Variants in SUGCT observed in about 807,000 individuals in gnomAD.
The protein encoded by SUGCT is succinyl-CoA:glutarate CoA-transferase.
In SUGCT, 41 loss-of-function variants were observed where a neutral mutation model predicts 55.0. The observed-to-expected ratio is 0.74, with a 90% CI of 0.58 to 0.97. The LOEUF is 0.97. Ranked by LOEUF, SUGCT falls within the 50% of genes least tolerant of loss-of-function variation. The probability of loss-of-function intolerance (pLI) is 0.00; values close to 1 mark genes in which losing one functional copy is unlikely to be tolerated. For synonymous variants in SUGCT, 187 were observed against 200.4 expected (o/e 0.93, Z 0.56); for missense variants, 568 against 547.8 (o/e 1.04, Z -0.37).
At chr7:40,350,480 ATT>A (rs1180685887) in intron 9 of SUGCT, among the ~76,000 whole-genome samples, 2 of 145,206 alleles carry the variant, frequency 1.4e-5, no homozygotes, top group African/African-American at 2.5e-5. Flanking sequence ...CACCTGGCTA[ATT>A]TTTTTTTTTT....
intron 13 of SUGCT, among the ~76,000 whole-genome samples, chr7:40,855,770 G>A (rs1794140060): frequency 6.6e-6 from 1 of 152,176 alleles, no homozygotes; most frequent in Non-Finnish European, 1.5e-5. Flanking sequence ...CATGGATTCA[G>A]AGCCATAGAC....
chr7:40,827,304 T>TA (rs1342093119), intron 13 of SUGCT, among the ~76,000 whole-genome samples: 1 of 152,138 alleles, frequency 6.6e-6, no homozygotes, highest in Non-Finnish European at 1.5e-5. Context: ...CCTGCTCTGA[T>TA]ACATTCCACA....
intron 11 of SUGCT, among the ~76,000 whole-genome samples, chr7:40,463,846 C>G (rs1295992162): frequency 6.6e-6 from 1 of 152,170 alleles, no homozygotes; most frequent in Non-Finnish European, 1.5e-5. Flanking sequence ...ACATTGAAAA[C>G]TAGGTAAAAC....
intron 9 of SUGCT, among the ~76,000 whole-genome samples, chr7:40,422,697 G>A (rs1466468942): frequency 6.6e-6 from 1 of 151,784 alleles, no homozygotes; most frequent in Non-Finnish European, 1.5e-5. Context: ...GGTGTCTTGG[G>A]TAGATTTGTT....
At chr7:40,135,737 ACCT>A (rs1453245084) in intron 1 of SUGCT, among the ~76,000 whole-genome samples, 3 of 151,388 alleles carry the variant, frequency 2.0e-5, no homozygotes, top group Non-Finnish European at 2.9e-5. Context: ...GCTCACTGCA[ACCT>A]CCTCCTCCCG....
chr7:40,946,732 G>A, the SUGCT span, among the ~76,000 whole-genome samples: 3 of 151,934 alleles, frequency 2.0e-5, no homozygotes, highest in Non-Finnish European at 4.4e-5. Context: ...TTTTTGGTTG[G>A]CAATTATTTT....
chr7:40,382,322 T>C (rs563642870), intron 9 of SUGCT, among the ~76,000 whole-genome samples: 1 of 152,216 alleles, frequency 6.6e-6, no homozygotes, highest in East Asian at 1.9e-4. Flanking sequence ...TTTATACATG[T>C]GACTAAAAAA....
Position 40,350,336 on chromosome 7 carries a change from G to GA in SUGCT, c.816+33482dup, listed in dbSNP as rs1797555303. ...TATTTATTTATTTATTTATTTTTAAGAGAGTCTCACTCTGTTGCCCAGGCA... is the reference window on the plus strand; with the variant it reads ...TATTTATTTATTTATTTATTTTTAAGAAGAGTCTCACTCTGTTGCCCAGGCA... On this transcript the variant is annotated intron_variant, in intron 9 of 13. Coordinates refer to ENST00000335693, the MANE Select transcript of SUGCT (RefSeq NM_001193313.2). 2.8e-5 allele frequency among the ~76,000 whole-genome samples: 4 copies of GA among 145,248 alleles called. No individual in the cohort carries two copies. In the South Asian group the frequency reaches 8.7e-4, roughly 32 times the overall value.
the SUGCT span, among the ~76,000 whole-genome samples, chr7:40,879,733 A>C: frequency 6.6e-6 from 1 of 152,204 alleles, no homozygotes; most frequent in Admixed American, 6.5e-5. Context: ...TAAAGGATTA[A>C]ATTTTTAAAT....
chr7:40,471,155 A>C (rs996894338), intron 11 of SUGCT, among the ~76,000 whole-genome samples: 1 of 152,084 alleles, frequency 6.6e-6, no homozygotes, highest in African/African-American at 2.4e-5. Flanking sequence ...ATATATTCTA[A>C]AACACAGAAA....
the SUGCT span, among the ~76,000 whole-genome samples, chr7:40,886,761 T>A: frequency 2.0e-5 from 3 of 152,194 alleles, no homozygotes; most frequent in Non-Finnish European, 4.4e-5. Context: ...CATGTTGGTA[T>A]GCAGTAAGCA....
At chr7:40,713,739 T>C (rs1785856142) in intron 12 of SUGCT, among the ~76,000 whole-genome samples, 1 of 152,142 alleles carries the variant, frequency 6.6e-6, no homozygotes, top group South Asian at 2.1e-4. Flanking sequence ...ATTTGAGTGT[T>C]TGTCTGGGAA....
chr7:40,640,468 TG>T (rs1800221017), intron 12 of SUGCT, among the ~76,000 whole-genome samples: 1 of 152,244 alleles, frequency 6.6e-6, no homozygotes, highest in South Asian at 2.1e-4. Flanking sequence ...TTTACTTGGC[TG>T]CTGTATTGGT....
chr7:40,735,338 G>A (rs74455554), intron 12 of SUGCT, among the ~76,000 whole-genome samples: 2,945 of 151,988 alleles, frequency 0.019, 93 homozygotes, highest in African/African-American at 0.068. Context: ...GTTATTTTTC[G>A]TATTTTCTGG....
At chr7:40,561,016 A>G (rs1401685012) in intron 12 of SUGCT, among the ~76,000 whole-genome samples, 2 of 152,264 alleles carry the variant, frequency 1.3e-5, no homozygotes, top group East Asian at 3.8e-4. Context: ...CAAATATGCA[A>G]CACTTGAAAT....
chr7:40,817,964 A>C (rs1452832094), intron 13 of SUGCT, among the ~76,000 whole-genome samples: 1 of 152,204 alleles, frequency 6.6e-6, no homozygotes, highest in Non-Finnish European at 1.5e-5. Flanking sequence ...ATGTTCATTC[A>C]GGTTCTCTTG....
In SUGCT at chr7:40,284,953, G is replaced by T. The variant is rs1426094689; in HGVS notation, c.720+10297G>T. 2.0e-5 allele frequency among the ~76,000 whole-genome samples: 3 copies of T among 152,218 alleles called. No individual in the cohort carries two copies. The East Asian group carries it at 5.8e-4, about 29-fold the overall frequency. ...TATAAGTGAATTGGGAACATGCTCT[G>T]GTTCTGTATAACTGAAGTCATTAGT... On this transcript the variant is annotated intron_variant, in intron 8 of 13. Coordinates refer to ENST00000335693, the MANE Select transcript of SUGCT (RefSeq NM_001193313.2).
chr7:40,205,991 A>G (rs1005560165), intron 6 of SUGCT, among the ~76,000 whole-genome samples: 3 of 152,208 alleles, frequency 2.0e-5, no homozygotes, highest in African/African-American at 2.4e-5. Context: ...TATGGTTAGA[A>G]TAGTTTCCAA....
Position 40,491,080 on chromosome 7 carries a change from C to T in SUGCT, c.987-5204C>T, listed in dbSNP as rs189119505. Among the ~76,000 whole-genome samples, 26 of 152,312 alleles carry T rather than the reference C, an allele frequency of 1.7e-4. No homozygotes were observed. The East Asian group carries it at 3.5e-3, about 20-fold the overall frequency. The stretch of plus-strand genomic sequence containing the variant: ...TATTCTTTCCAAATCATCATATATT[C>T]ACTCATTCAGCAAATACTGAGTGCC... On this transcript the variant is annotated intron_variant, in intron 11 of 13. Coordinates refer to ENST00000335693, the MANE Select transcript of SUGCT (RefSeq NM_001193313.2).
Sources: allele counts gnomAD v4.1 joint callset (sites outside exome capture counted in the v4.1 genomes callset), GRCh38; gene constraint gnomAD v4.1.1; transcripts MANE v1.5; gene names NCBI Gene and HGNC (gene_info 2026-07-23, HGNC 2026-07-21).